Variants in DPF3 observed in about 807,000 individuals in gnomAD.
The protein encoded by DPF3 is double PHD fingers 3, also known as zinc finger protein DPF3.
In DPF3, 18 loss-of-function variants were observed where a neutral mutation model predicts 56.8. The observed-to-expected ratio is 0.32, with a 90% CI of 0.22 to 0.47. The LOEUF (loss-of-function observed/expected upper bound fraction) is 0.47, where lower values mean the gene tolerates loss of function less well. Ranked by LOEUF, DPF3 falls within the 20% of genes least tolerant of loss-of-function variation. DPF3 has a pLI of 1.00. For missense variants in DPF3, 403 were observed against 488.8 expected, an observed-to-expected ratio of 0.82 and a Z score of 1.65; for synonymous variants, 188 against 180.2, an observed-to-expected ratio of 1.04 and a Z score of -0.35.
At chr14:72,891,457 C>T (rs1242736660) in intron 1 of DPF3, among the ~76,000 whole-genome samples, 1 of 152,116 alleles carries the variant, frequency 6.6e-6, no homozygotes, top group South Asian at 2.1e-4. Flanking sequence ...ACCCCTCCTC[C>T]CTGCACCACC....
At chr14:72,790,273 C>T (rs1366269886) in intron 1 of DPF3, among the ~76,000 whole-genome samples, 1 of 152,128 alleles carries the variant, frequency 6.6e-6, no homozygotes, top group Non-Finnish European at 1.5e-5. Flanking sequence ...TGTTTATTTA[C>T]TACCTGCTTT....
At chr14:72,832,024 C>A (rs1884080564) in intron 1 of DPF3, among the ~76,000 whole-genome samples, 2 of 151,990 alleles carry the variant, frequency 1.3e-5, no homozygotes, top group African/African-American at 4.8e-5. Flanking sequence ...TTGAGACCAG[C>A]CTGGGCAACA....
At position 72,723,955 on chromosome 14, in the gene DPF3, G is replaced by A. The variant is rs568551529; in HGVS notation, c.430-227C>T. ...GGCCCCTTCCAGACAAGTCCTCCCA[G>A]AACACTGACCTTTTTCCATTCTTTT... is the stretch of plus-strand genomic sequence containing the variant. On this transcript the variant is annotated intron_variant, in intron 4 of 10. Coordinates refer to ENST00000556509, the MANE Select transcript of DPF3 (RefSeq NM_001280542.3). 1.8e-5 allele frequency: 8 copies of A among 448,044 alleles called. No individual in the cohort carries two copies. The East Asian group carries it at 2.9e-4, about 16-fold the overall frequency. The allele number at this position is 448,044 out of a possible 1,614,324, so 27.8% of individuals were successfully genotyped here.
rs75081296 is a variant in DPF3 at position 72,614,835 on chromosome 14, T to C, written c.*4462A>G. 3.0e-3 allele frequency among the ~76,000 whole-genome samples: 432 copies of C among 143,522 alleles called. 2 individuals are homozygous for C. The highest frequency in any genetic ancestry group is 0.011 in the African/African-American group (415 of 38,384). 94.2% of individuals were successfully genotyped at this position (143,522 alleles called of 152,430 possible). On this transcript the variant is annotated 3_prime_UTR_variant, in exon 11 of 11. Coordinates refer to ENST00000556509, the MANE Select transcript of DPF3 (RefSeq NM_001280542.3). ...TCCCACCTGCTGCCCTCCAGCTCCT[T>C]AGCTCGAGGATTTCTCCCTGAGGAC...
chr14:72,654,473 C>T (rs980514994), intron 8 of DPF3, among the ~76,000 whole-genome samples: 4 of 152,156 alleles, frequency 2.6e-5, no homozygotes, highest in South Asian at 2.1e-4. Flanking sequence ...ATATGCTAAC[C>T]ACCTCTTTCA....
At chr14:72,868,441 G>C (rs1490128303) in intron 1 of DPF3, among the ~76,000 whole-genome samples, 1 of 152,188 alleles carries the variant, frequency 6.6e-6, no homozygotes, top group African/African-American at 2.4e-5. Context: ...GCAGGGCTGG[G>C]AGGAACAATG....
At chr14:72,697,298 G>T (rs1030254811) in intron 6 of DPF3, among the ~76,000 whole-genome samples, 1 of 152,192 alleles carries the variant, frequency 6.6e-6, no homozygotes, top group Non-Finnish European at 1.5e-5. Flanking sequence ...CATGGAGGAG[G>T]TCGCAGTCTA....
chr14:72,839,075 C>G (rs771874347), intron 1 of DPF3, among the ~76,000 whole-genome samples: 10 of 151,328 alleles, frequency 6.6e-5, no homozygotes, highest in Non-Finnish European at 1.3e-4. Context: ...AGCACGCCAC[C>G]ACACCCAGCT....
chr14:72,750,824 A>T (rs1406921237), intron 3 of DPF3, among the ~76,000 whole-genome samples: 1 of 141,432 alleles, frequency 7.1e-6, no homozygotes, highest in African/African-American at 2.6e-5. Context: ...AAAACCTGCT[A>T]CCACTGATTA....
chr14:72,829,649 G>T (rs1403183656), intron 1 of DPF3, among the ~76,000 whole-genome samples: 2 of 152,154 alleles, frequency 1.3e-5, no homozygotes, highest in Admixed American at 6.5e-5. Flanking sequence ...CTCCCAAAGT[G>T]CTGGGATTAC....
chr14:72,756,005 C>T (rs145285699), intron 2 of DPF3, among the ~76,000 whole-genome samples: 41 of 152,156 alleles, frequency 2.7e-4, no homozygotes, highest in African/African-American at 7.7e-4. Flanking sequence ...CATATGTGTG[C>T]GTGCATGTGC....
At chr14:72,854,841 C>A (rs868577128) in intron 1 of DPF3, among the ~76,000 whole-genome samples, 2 of 152,176 alleles carry the variant, frequency 1.3e-5, no homozygotes, top group Non-Finnish European at 2.9e-5. Context: ...TCAGCACAAT[C>A]CTTAAAGTCA....
chr14:72,752,794 T>C (rs1198467340), intron 3 of DPF3, among the ~76,000 whole-genome samples: 1 of 152,188 alleles, frequency 6.6e-6, no homozygotes, highest in African/African-American at 2.4e-5. Flanking sequence ...GTAAGTGCAA[T>C]TTTTAGTGAA....
chr14:72,733,064 TGGG>T (rs1395882377), intron 3 of DPF3, among the ~76,000 whole-genome samples: 4 of 152,144 alleles, frequency 2.6e-5, no homozygotes, highest in African/African-American at 9.7e-5. Context: ...CCCAAAGCAC[TGGG>T]GTTATAGGCA....
intron 1 of DPF3, among the ~76,000 whole-genome samples, chr14:72,876,200 G>A (rs1886107760): frequency 2.6e-5 from 4 of 152,222 alleles, no homozygotes; most frequent in African/African-American, 7.2e-5. Flanking sequence ...GAGCTGGCCT[G>A]TAGCTGACAG....
At chr14:72,732,142 A>ACCC (rs1373835157) in intron 3 of DPF3, among the ~76,000 whole-genome samples, 1 of 151,928 alleles carries the variant, frequency 6.6e-6, no homozygotes, top group African/African-American at 2.4e-5. Flanking sequence ...CCATGCCCAC[A>ACCC]CCCCCAGAGG....
intron 1 of DPF3, among the ~76,000 whole-genome samples, chr14:72,843,323 C>T (rs924555660): frequency 2.6e-5 from 4 of 151,930 alleles, no homozygotes; most frequent in African/African-American, 4.8e-5. Context: ...TCAAAAGCAT[C>T]GGGGGTTTTT....
At chr14:72,838,908 CT>C (rs376458640) in intron 1 of DPF3, among the ~76,000 whole-genome samples, 119 of 78,556 alleles carry the variant, frequency 1.5e-3, no homozygotes, top group African/African-American at 7.8e-3. Context: ...CATATATATT[CT>C]TTTTTTTTTT....
Position 72,665,862 on chromosome 14 carries a change from G to A in DPF3, c.871+8378C>T, listed in dbSNP as rs116074505. Among the ~76,000 whole-genome samples, 1,272 of 152,230 alleles carry A rather than the reference G, an allele frequency of 8.4e-3. 27 individuals carry two copies. Among genetic ancestry groups the A allele is most frequent in the African/African-American group, 0.029 (1,213 of 41,518 alleles). On this transcript the variant is annotated intron_variant, in intron 8 of 10. Transcript: ENST00000556509. ...GGTGAAGGACATATGGGAATTCTTG[G>A]TAAAATCTTTGTAAGTTTTTTGTAA...
Sources: allele counts gnomAD v4.1 joint callset (sites outside exome capture counted in the v4.1 genomes callset), GRCh38; gene constraint gnomAD v4.1.1; transcripts MANE v1.5; gene names NCBI Gene and HGNC (gene_info 2026-07-23, HGNC 2026-07-21).